Variants in AKT2 observed in about 807,000 individuals in gnomAD.
AKT2 encodes the protein AKT serine/threonine kinase 2.
AKT2 carries 16 observed loss-of-function variants against 58.6 expected under a neutral mutation model. That is an observed-to-expected ratio of 0.27 (90% CI 0.18 to 0.41). AKT2 has a LOEUF of 0.41. AKT2 is among the 10% of genes least tolerant of loss of function. AKT2 has a pLI of 1.00. For missense variants in AKT2, 438 were observed against 661.0 expected, an observed-to-expected ratio of 0.66 and a Z score of 3.70; for synonymous variants, 253 against 254.0, an observed-to-expected ratio of 1.00 and a Z score of 0.04.
chr19:40,262,978 T>C (rs114796293), intron 2 of AKT2, among the ~76,000 whole-genome samples: 1,528 of 152,114 alleles, frequency 0.01, 14 homozygotes, highest in African/African-American at 0.035. Flanking sequence ...GGCCCAAGAG[T>C]GCAGGTGTGC....
rs113624553 is a variant in AKT2, at chr19:40,234,036, G to A, written c.1367-85C>T. 1.3e-3 allele frequency: 1,757 copies of A among 1,370,368 alleles called. 19 individuals are homozygous for A. In the African/African-American group the frequency reaches 0.021, roughly 16 times the overall value. The allele number at this position is 1,370,368 out of a possible 1,614,324, so 84.9% of individuals were successfully genotyped here. ...CAGACTCCCTGGGGAAACGGCCCCA[G>A]CTGGCGGGGGCTGCCCACAGGACAG... On this transcript the variant is annotated intron_variant, in intron 13 of 13. Transcript: ENST00000392038. The surrounding 1 kb of genome is among the most constrained non-coding windows in gnomAD (Gnocchi z 4.7).
rs202125073 is a variant in AKT2 at position 40,236,025 on chromosome 19, C to T, written c.1040G>A (p.Arg347His). 4.3e-6 allele frequency: 7 copies of T among 1,614,116 alleles called. No individual in the cohort carries two copies. Among genetic ancestry groups the T allele is most frequent in the East Asian group, 2.2e-5 (1 of 44,866 alleles). ...GTGGTCCTGGTTGTAGAAGGGCAGG[C>T]GGCCGCACATCATCTCGTACATGAC... The part of the protein sequence containing the change: ...GVVMYEMMCG[R>H]LPFYNQDHER... Residue 347 changes from arginine to histidine, a missense_variant, in exon 11 of 14, where the codon CGC becomes CAC. Physicochemically the swap from Arg to His is conservative, Grantham distance 29. Coordinates refer to ENST00000392038, the MANE Select transcript of AKT2 (RefSeq NM_001626.6).
chr19:40,235,829 G>C lies in AKT2; in HGVS notation c.1175+61C>G. The C allele has an allele frequency of 6.6e-7, 1 of 1,526,218 alleles. No individual in the cohort carries two copies. 94.5% of individuals were successfully genotyped at this position (1,526,218 alleles called of 1,614,324 possible). A position where few individuals can be genotyped will look rare whatever the true frequency, so the allele number is the denominator to read the frequency against. On this transcript the variant is annotated intron_variant, in intron 11 of 13. Transcript: ENST00000392038. The surrounding 1 kb of genome is among the most constrained non-coding windows in gnomAD (Gnocchi z 6.3). ...ACCCTTGTGGACGCTGCCCCCTCCA[G>C]GCCGCAGGGACAGTGGCAGCAGCTG...
intron 4 of AKT2, among the ~76,000 whole-genome samples, chr19:40,245,051 A>G (rs1052457668): frequency 1.3e-5 from 2 of 152,204 alleles, no homozygotes; most frequent in Non-Finnish European, 2.9e-5. Flanking sequence ...TCTTGGCACT[A>G]TATGAAACAG....
chr19:40,260,519 A>G (rs1975859051), intron 2 of AKT2, among the ~76,000 whole-genome samples: 1 of 147,838 alleles, frequency 6.8e-6, no homozygotes. Flanking sequence ...AGTCCCAGCT[A>G]CTCAGGAGGC....
At chr19:40,248,595 G>A (rs965309377) in intron 4 of AKT2, among the ~76,000 whole-genome samples, 1 of 152,246 alleles carries the variant, frequency 6.6e-6, no homozygotes, top group South Asian at 2.1e-4. Context: ...GGAGGCAGGG[G>A]ATTGGGAGGG....
At chr19:40,270,589 G>A (rs900061114) in intron 1 of AKT2, 3 of 152,276 alleles carry the variant, frequency 2.0e-5, no homozygotes, top group African/African-American at 4.8e-5. Context: ...GGTGGGTGGG[G>A]CTCCTTCCTG....
At chr19:40,251,883 A>G (rs1975180243) in intron 4 of AKT2, among the ~76,000 whole-genome samples, 1 of 152,260 alleles carries the variant, frequency 6.6e-6, no homozygotes, top group African/African-American at 2.4e-5. Flanking sequence ...CAAGTTCAGC[A>G]TAAAACACAA....
intron 1 of AKT2, among the ~76,000 whole-genome samples, chr19:40,269,756 A>G (rs1976586204): frequency 6.6e-6 from 1 of 152,184 alleles, no homozygotes; most frequent in African/African-American, 2.4e-5. Context: ...CTCAGCAACG[A>G]AAAGGACTAA....
At chr19:40,278,609 C>T (rs1242707222) in intron 1 of AKT2, among the ~76,000 whole-genome samples, 1 of 151,984 alleles carries the variant, frequency 6.6e-6, no homozygotes, top group East Asian at 1.9e-4. Context: ...AGCTAACAGG[C>T]CCTACCACTC....
intron 1 of AKT2, among the ~76,000 whole-genome samples, chr19:40,276,974 G>T (rs965655582): frequency 2.0e-5 from 3 of 152,220 alleles, no homozygotes; most frequent in African/African-American, 7.2e-5. Context: ...AATCAGCCAT[G>T]ATGGTGCCAC....
At position 40,231,796 on chromosome 19, in the gene AKT2, A is replaced by C; in HGVS notation, c.*2076T>G. On this transcript the variant is annotated 3_prime_UTR_variant, in exon 14 of 14. Transcript: ENST00000392038. ...CTGACCCCAAGCTGAACAGGGTTCT[A>C]ACCAAACGCTCAGGAGCTCCCAGGT... The C allele has an allele frequency of 4.3e-6, 1 of 233,926 alleles. No homozygotes were observed. The highest frequency in any genetic ancestry group is 8.4e-6 in the Non-Finnish European group (1 of 118,570). The allele number at this position is 233,926 out of a possible 1,614,324, so 14.5% of individuals were successfully genotyped here.
At chr19:40,272,237 TGA>T (rs1385154912) in intron 1 of AKT2, among the ~76,000 whole-genome samples, 3 of 152,334 alleles carry the variant, frequency 2.0e-5, no homozygotes, top group Non-Finnish European at 4.4e-5. Context: ...CACACAGCCT[TGA>T]GAGTTAGGCA....
rs755512171 is a variant in AKT2, at chr19:40,264,411, G to C, written c.46+811C>G. Among the ~76,000 whole-genome samples the C allele has an allele frequency of 3.3e-5, 5 of 152,122 alleles. 1 individual carries two copies. Among genetic ancestry groups the C allele is most frequent in the African/African-American group, 9.7e-5 (4 of 41,406 alleles). ...CACTAGTACAAATGGATCAGGCCAC[G>C]CATCGGCTCACGACATCACAGGGCT... On this transcript the variant is annotated intron_variant, in intron 2 of 13. Transcript: ENST00000392038.
At chr19:40,255,007 T>G in intron 4 of AKT2, 151 bp downstream of exon 4, 1 of 650,848 alleles carries the variant, frequency 1.5e-6, no homozygotes, top group South Asian at 1.6e-5. Context: ...CCCCAGCTCT[T>G]CTCAGCCCCA....
At chr19:40,273,088 A>C (rs551560126) in intron 1 of AKT2, among the ~76,000 whole-genome samples, 2 of 152,302 alleles carry the variant, frequency 1.3e-5, no homozygotes, top group South Asian at 4.1e-4. Context: ...TCATGACTGT[A>C]ATCCCAGCAC....
In AKT2 at chr19:40,238,151, C is replaced by T; in HGVS notation, c.709-60G>A. On this transcript the variant is annotated intron_variant, in intron 8 of 13. Coordinates refer to ENST00000392038, the MANE Select transcript of AKT2 (RefSeq NM_001626.6). The surrounding 1 kb of genome is among the most constrained non-coding windows in gnomAD (Gnocchi z 5.1). The stretch of plus-strand genomic sequence containing the variant: ...CCCCAGCCCACCCACCTGCCCTCAC[C>T]TTCCCAGCCCCCTGCCCCAGCGCAG... 6.5e-7 allele frequency: 1 copy of T among 1,549,818 alleles called. No homozygotes were observed. Among genetic ancestry groups the T allele is most frequent in the Non-Finnish European group, 8.7e-7 (1 of 1,147,226 alleles).
intron 4 of AKT2, among the ~76,000 whole-genome samples, chr19:40,249,323 G>T (rs1225642251): frequency 6.6e-6 from 1 of 152,186 alleles, no homozygotes; most frequent in Non-Finnish European, 1.5e-5. Flanking sequence ...GGTAAGAAAG[G>T]TACCAGTGCT....
chr19:40,232,135 A>G lies in AKT2; in HGVS notation c.*1737T>C, dbSNP rs375216036. Reference sequence around the variant, plus strand: ...TGCGGGGAGCCTTCCCATACCCCTCAGCCCCACAGCACCAGCTCCACCCAC... The same window carrying G: ...TGCGGGGAGCCTTCCCATACCCCTCGGCCCCACAGCACCAGCTCCACCCAC... On this transcript the variant is annotated 3_prime_UTR_variant, in exon 14 of 14. Transcript: ENST00000392038. The G allele has an allele frequency of 2.4e-4, 55 of 233,774 alleles. No individual in the cohort carries two copies. The highest frequency in any genetic ancestry group is 2.5e-3 in the Middle Eastern group (2 of 796). 14.5% of individuals were successfully genotyped at this position (233,774 alleles called of 1,614,324 possible).
Sources: gnomAD v4.1 joint callset for allele counts (sites outside exome capture counted in the v4.1 genomes callset) on GRCh38, gnomAD v4.1.1 for gene constraint, Gnocchi (gnomAD v3.1) non-coding constraint, MANE v1.5 for transcripts, NCBI Gene and HGNC (gene_info 2026-07-23, HGNC 2026-07-21) for gene names.